RNF150: variants seen among roughly 807,000 people sequenced by gnomAD.
RNF150 encodes the protein ring finger protein 150.
RNF150 carries 24 observed loss-of-function variants against 39.3 expected under a neutral mutation model. The observed-to-expected ratio is 0.61, with a 90% confidence interval of 0.44 to 0.86. The LOEUF (loss-of-function observed/expected upper bound fraction) is 0.86. RNF150 is among the 40% of genes least tolerant of loss of function. The probability of loss-of-function intolerance (pLI) is 0.00; values close to 1 mark genes in which losing one functional copy is unlikely to be tolerated. For missense variants in RNF150, 502 were observed against 587.8 expected (o/e 0.85, Z 1.51); for synonymous variants, 255 against 227.3 (o/e 1.12, Z -1.10).
At chr4:141,060,329 T>C (rs1182904040) in intron 1 of RNF150, among the ~76,000 whole-genome samples, 1 of 152,036 alleles carries the variant, frequency 6.6e-6, no homozygotes, top group Non-Finnish European at 1.5e-5. Flanking sequence ...CAGTCCCAGA[T>C]ACTTGGGAAG....
At chr4:140,982,714 A>T (rs915028730) in intron 1 of RNF150, among the ~76,000 whole-genome samples, 1 of 152,106 alleles carries the variant, frequency 6.6e-6, no homozygotes. Flanking sequence ...CAATGAACTG[A>T]TAAGAAATTA....
chr4:141,090,283 C>T (rs912250049), intron 1 of RNF150, among the ~76,000 whole-genome samples: 7 of 152,158 alleles, frequency 4.6e-5, no homozygotes, highest in Non-Finnish European at 8.8e-5. Context: ...GAAGCTTCTA[C>T]TGGGTTTAAG....
chr4:141,200,072 G>A (rs1017669708), intron 1 of RNF150, among the ~76,000 whole-genome samples: 13 of 151,978 alleles, frequency 8.6e-5, no homozygotes, highest in Admixed American at 2.0e-4. Context: ...TACTGATAAG[G>A]CTTAGTTTGG....
chr4:141,209,916 AC>A (rs1728436084), intron 1 of RNF150, among the ~76,000 whole-genome samples: 1 of 152,132 alleles, frequency 6.6e-6, no homozygotes, highest in African/African-American at 2.4e-5. Context: ...CTTTAAAGGG[AC>A]TAAACAAGGA....
At chr4:141,208,872 T>C (rs899508831) in intron 1 of RNF150, among the ~76,000 whole-genome samples, 1 of 152,162 alleles carries the variant, frequency 6.6e-6, no homozygotes. Context: ...TTGTGGATAC[T>C]GGCAGAAGAC....
At chr4:141,071,736 G>A (rs1160150241) in intron 1 of RNF150, among the ~76,000 whole-genome samples, 1 of 152,086 alleles carries the variant, frequency 6.6e-6, no homozygotes, top group Non-Finnish European at 1.5e-5. Context: ...ACACACTTTT[G>A]GGAAGCACAG....
intron 1 of RNF150, among the ~76,000 whole-genome samples, chr4:140,981,800 G>A (rs768270277): frequency 1.0e-3 from 152 of 152,286 alleles, no homozygotes; most frequent in Non-Finnish European, 1.9e-3. Flanking sequence ...GAGGAACCAG[G>A]AAGTAGGTTT....
chr4:141,003,434 G>A (rs7684405), intron 1 of RNF150, among the ~76,000 whole-genome samples: 146,303 of 152,210 alleles, frequency 0.96, 70,569 homozygotes, highest in East Asian at 1. Flanking sequence ...GATGGCATCA[G>A]GAATGAGAAA....
At chr4:141,107,974 A>AT (rs1344522930) in intron 1 of RNF150, among the ~76,000 whole-genome samples, 1 of 152,198 alleles carries the variant, frequency 6.6e-6, no homozygotes, top group African/African-American at 2.4e-5. Context: ...CATTGATTAC[A>AT]TTTTTTATTA....
At chr4:140,929,922 G>A (rs1216338704) in intron 4 of RNF150, among the ~76,000 whole-genome samples, 2 of 152,148 alleles carry the variant, frequency 1.3e-5, no homozygotes, top group African/African-American at 4.8e-5. Context: ...GGTAGGCCAA[G>A]GCAGGCGGCA....
chr4:140,901,476 A>G (rs1730185834), intron 6 of RNF150, among the ~76,000 whole-genome samples: 1 of 152,212 alleles, frequency 6.6e-6, no homozygotes, highest in Admixed American at 6.5e-5. Flanking sequence ...CAGGCTGAAT[A>G]TCATTGGAAG....
intron 1 of RNF150, among the ~76,000 whole-genome samples, chr4:141,118,027 A>T (rs1033212287): frequency 6.6e-6 from 1 of 152,182 alleles, no homozygotes; most frequent in East Asian, 1.9e-4. Flanking sequence ...GCTATTTAGA[A>T]TTGCCAATCT....
chr4:141,183,929 C>T (rs1182626797), intron 1 of RNF150, among the ~76,000 whole-genome samples: 2 of 152,076 alleles, frequency 1.3e-5, no homozygotes, highest in African/African-American at 4.8e-5. Context: ...TGGGTTGGTT[C>T]CAAGTCTTTG....
chr4:140,960,623 T>A (rs1223024726), intron 2 of RNF150, among the ~76,000 whole-genome samples: 1 of 152,048 alleles, frequency 6.6e-6, no homozygotes, highest in Non-Finnish European at 1.5e-5. Flanking sequence ...CAATGGCCAA[T>A]AATTTAATCA....
chr4:141,097,836 C>A (rs1166360716), intron 1 of RNF150, among the ~76,000 whole-genome samples: 3 of 151,914 alleles, frequency 2.0e-5, no homozygotes, highest in Non-Finnish European at 2.9e-5. Context: ...AATATTAAAT[C>A]TTTGTTTGAT....
At chr4:140,986,085 T>C (rs971650743) in intron 1 of RNF150, among the ~76,000 whole-genome samples, 2 of 152,120 alleles carry the variant, frequency 1.3e-5, no homozygotes, top group Non-Finnish European at 2.9e-5. Context: ...CATATAAAAC[T>C]TTCTCAGGGA....
At chr4:140,927,490 C>T (rs1731442703) in intron 4 of RNF150, among the ~76,000 whole-genome samples, 1 of 152,128 alleles carries the variant, frequency 6.6e-6, no homozygotes, top group South Asian at 2.1e-4. Context: ...CCCCACCCCG[C>T]TTCCTTCTGC....
chr4:140,944,059 C>A (rs1364173184), intron 4 of RNF150, among the ~76,000 whole-genome samples: 3 of 152,004 alleles, frequency 2.0e-5, no homozygotes, highest in Non-Finnish European at 4.4e-5. Flanking sequence ...AATTGAGAAG[C>A]TAAACAGGCT....
intron 1 of RNF150, among the ~76,000 whole-genome samples, chr4:141,070,068 G>A (rs1467001752): frequency 5.3e-5 from 8 of 151,908 alleles, no homozygotes; most frequent in Admixed American, 4.6e-4. Context: ...CTTCAGTTCT[G>A]CTCTGCCACA....
Sources: allele counts gnomAD v4.1 joint callset (sites outside exome capture counted in the v4.1 genomes callset), GRCh38; gene constraint gnomAD v4.1.1; transcripts MANE v1.5; gene names NCBI Gene and HGNC (gene_info 2026-07-23, HGNC 2026-07-21).